The following FBXO47 variants were observed in gnomAD, a reference collection of about 807,000 sequenced individuals.
FBXO47 encodes F-box protein 47.
FBXO47 carries 34 observed loss-of-function variants against 53.9 expected under a neutral mutation model. That is an observed-to-expected ratio of 0.63 (90% CI 0.48 to 0.84). The LOEUF (loss-of-function observed/expected upper bound fraction) is 0.84, where lower values mean the gene tolerates loss of function less well. FBXO47 is among the 40% of genes least tolerant of loss of function. The probability of loss-of-function intolerance (pLI) is 0.00; values close to 1 mark genes in which losing one functional copy is unlikely to be tolerated. For synonymous variants in FBXO47, 165 were observed against 181.6 expected, an observed-to-expected ratio of 0.91 and a Z score of 0.73; for missense variants, 485 against 541.3, an observed-to-expected ratio of 0.90 and a Z score of 1.03.
chr17:38,947,063 TATATATAAAC>T (rs1449915146), intron 6 of FBXO47, among the ~76,000 whole-genome samples: 2,238 of 133,456 alleles, frequency 0.017, 74 homozygotes, highest in African/African-American at 0.052. Context: ...CATATATAAA[TATATATAAAC>T]ATATATAAAC....
chr17:38,954,739 T>A (rs979178913), intron 5 of FBXO47, 117 bp downstream of exon 5: 5 of 555,688 alleles, frequency 9.0e-6, no homozygotes, highest in Non-Finnish European at 1.5e-5. Flanking sequence ...CTTTATTTTA[T>A]TTTGCTCTTT....
At chr17:38,966,609 C>G (rs1324821331) in intron 1 of FBXO47, among the ~76,000 whole-genome samples, 1 of 152,148 alleles carries the variant, frequency 6.6e-6, no homozygotes, top group Admixed American at 6.6e-5. Context: ...CCCGTGGGCT[C>G]TTCAAAGACT....
rs1391114492 is a variant in FBXO47 at position 38,945,090 on chromosome 17, A to G, written c.663T>C (p.Asn221=). 1.9e-6 allele frequency: 3 copies of G among 1,613,928 alleles called. No individual in the cohort carries two copies. The African/African-American group carries it at 4.0e-5, about 22-fold the overall frequency. The change falls in exon 7 of 11, where the codon AAT becomes AAC. Residue 221 remains asparagine (N), a synonymous_variant. Coordinates refer to ENST00000378079, the MANE Select transcript of FBXO47 (RefSeq NM_001008777.3). ...GATGTGTCCAATGATCAAGGAGGAC[A>G]TTCCTACAGAAGAGTCTGATTCTTA... The part of the protein sequence containing the change: ...LELRIRLFCR[N]VLLDHWTHRS...
intron 5 of FBXO47, among the ~76,000 whole-genome samples, chr17:38,953,838 A>T (rs1905424118): frequency 6.6e-6 from 1 of 152,208 alleles, no homozygotes. Flanking sequence ...ATAAGTAAAA[A>T]ACAAAATTAA....
intron 5 of FBXO47, among the ~76,000 whole-genome samples, chr17:38,952,995 G>T (rs1014566818): frequency 6.6e-6 from 1 of 151,354 alleles, no homozygotes; most frequent in Non-Finnish European, 1.5e-5. Flanking sequence ...CACTTTCATT[G>T]GCTGGGCACA....
chr17:38,965,434 A>C (rs1445928342), intron 1 of FBXO47, among the ~76,000 whole-genome samples: 1 of 152,168 alleles, frequency 6.6e-6, no homozygotes, highest in Non-Finnish European at 1.5e-5. Context: ...TCAATTTAAA[A>C]TTGGTTACAC....
At chr17:38,965,109 C>A (rs1598151739) in intron 1 of FBXO47, among the ~76,000 whole-genome samples, 5 of 152,186 alleles carry the variant, frequency 3.3e-5, no homozygotes, top group Admixed American at 3.3e-4. Context: ...CTCAGCCTCC[C>A]AAAGTGCTGG....
intron 2 of FBXO47, among the ~76,000 whole-genome samples, 157 bp downstream of exon 2, chr17:38,962,688 A>G (rs11870727): frequency 0.033 from 4,955 of 151,106 alleles, 243 homozygotes; most frequent in African/African-American, 0.098. Flanking sequence ...TGTACTCCTT[A>G]CCTGACAATA....
At chr17:38,953,440 C>T (rs1307063360) in intron 5 of FBXO47, among the ~76,000 whole-genome samples, 1 of 152,096 alleles carries the variant, frequency 6.6e-6, no homozygotes, top group East Asian at 1.9e-4. Flanking sequence ...GCCTGACCAA[C>T]ATGGCGAAAC....
chr17:38,955,958 CAAAAAAAAAAAAAAA>C (rs34218216), intron 4 of FBXO47, among the ~76,000 whole-genome samples: 1 of 30,270 alleles, frequency 3.3e-5, no homozygotes, highest in Non-Finnish European at 6.2e-5. Flanking sequence ...ACTCCATCTC[CAAAAAAAAAAAAAAA>C]AAAAAAAAAA....
chr17:38,938,840 A>G (rs778967247), intron 9 of FBXO47, 108 bp from the exon 10 acceptor site: 46 of 881,100 alleles, frequency 5.2e-5, no homozygotes, highest in Non-Finnish European at 7.6e-5. Context: ...TACATAATTT[A>G]TGATACCTGA....
rs559638307 is a variant in FBXO47 at position 38,947,107 on chromosome 17, C to T, written c.617-1971G>A. 8.5e-3 allele frequency among the ~76,000 whole-genome samples: 767 copies of T among 90,312 alleles called. 2 individuals carry two copies. Among genetic ancestry groups the T allele is most frequent in the Non-Finnish European group, 0.015 (572 of 38,390 alleles). The allele number at this position is 90,312 out of a possible 152,430, so 59.2% of individuals were successfully genotyped here. ...ACATATATATAAACATATATATAAA[C>T]ATATATATATAAACATATATATAAA... On this transcript the variant is annotated intron_variant, in intron 6 of 10. Coordinates refer to ENST00000378079, the MANE Select transcript of FBXO47 (RefSeq NM_001008777.3).
intron 10 of FBXO47, 42 bp downstream of exon 10, chr17:38,938,531 C>T: frequency 6.8e-7 from 1 of 1,459,994 alleles, no homozygotes; most frequent in Non-Finnish European, 9.3e-7. Context: ...GACTAGAGCG[C>T]ATTTTTACGC....
chr17:38,955,240 T>C (rs1905492070), intron 4 of FBXO47, among the ~76,000 whole-genome samples: 1 of 151,454 alleles, frequency 6.6e-6, no homozygotes, highest in Non-Finnish European at 1.5e-5. Flanking sequence ...ACACAAAAAT[T>C]AGCCGGGTGT....
chr17:38,942,700 C>A, intron 9 of FBXO47, 78 bp downstream of exon 9: 2 of 1,065,486 alleles, frequency 1.9e-6, no homozygotes, highest in South Asian at 1.7e-5. Context: ...GTCCACATTT[C>A]AGTTCCTTCA....
chr17:38,945,437 G>T (rs560516357), intron 6 of FBXO47, among the ~76,000 whole-genome samples: 1 of 152,186 alleles, frequency 6.6e-6, no homozygotes, highest in South Asian at 2.1e-4. Context: ...AGAAATAAAT[G>T]CAGAGAAAGG....
chr17:38,952,478 C>T lies in FBXO47; in HGVS notation c.508-789G>A, dbSNP rs572438276. On this transcript the variant is annotated intron_variant, in intron 5 of 10. Coordinates refer to ENST00000378079, the MANE Select transcript of FBXO47 (RefSeq NM_001008777.3). ...AACAAAACTTGGGAAGCTCCAAAATCCAGTTTCTTTTTGGTTGGAAAGGAA... is the reference window on the plus strand; with the variant it reads ...AACAAAACTTGGGAAGCTCCAAAATTCAGTTTCTTTTTGGTTGGAAAGGAA... Among the ~76,000 whole-genome samples, 17 of 151,880 alleles carry T rather than the reference C, an allele frequency of 1.1e-4. No individual in the cohort carries two copies. The South Asian group carries it at 2.9e-3, about 26-fold the overall frequency.
chr17:38,953,308 G>C (rs888205803), intron 5 of FBXO47, among the ~76,000 whole-genome samples: 1 of 151,470 alleles, frequency 6.6e-6, no homozygotes, highest in African/African-American at 2.4e-5. Flanking sequence ...GACAGAGCAA[G>C]ACTCCGTCTC....
In FBXO47 at chr17:38,951,564, A is replaced by G. The variant is rs1905284478; in HGVS notation, c.616+17T>C. On this transcript the variant is annotated intron_variant, in intron 6 of 10. Coordinates refer to ENST00000378079, the MANE Select transcript of FBXO47 (RefSeq NM_001008777.3). ...ATTTTAATCTCTGTATATTATATGCAAATTATAGTTTTTTACCTGGTTTGC... is the reference window on the plus strand; with the variant it reads ...ATTTTAATCTCTGTATATTATATGCGAATTATAGTTTTTTACCTGGTTTGC... 1 of 1,548,412 alleles carries G rather than the reference A, an allele frequency of 6.5e-7. No individual in the cohort carries two copies. Among genetic ancestry groups the G allele is most frequent in the Admixed American group, 1.8e-5 (1 of 56,450 alleles).
Sources: gnomAD v4.1 joint callset for allele counts (sites outside exome capture counted in the v4.1 genomes callset) on GRCh38, gnomAD v4.1.1 for gene constraint, MANE v1.5 for transcripts, NCBI Gene and HGNC (gene_info 2026-07-23, HGNC 2026-07-21) for gene names.